Variants in WDR5 observed in about 807,000 individuals in gnomAD.
The protein encoded by WDR5 is WD repeat domain 5.
For missense variants in WDR5, 187 were observed against 416.9 expected (o/e 0.45, Z 4.80); for synonymous variants, 144 against 161.6 (o/e 0.89, Z 0.83).
At chr9:134,138,988 C>T (rs1831730434) in intron 1 of WDR5, among the ~76,000 whole-genome samples, 1 of 152,136 alleles carries the variant, frequency 6.6e-6, no homozygotes, top group Admixed American at 6.5e-5. Flanking sequence ...GAATCTATTC[C>T]CATGGTAGAG....
rs1341736210 is a variant in WDR5 at position 134,136,374 on chromosome 9, C to G, written c.-59+174C>G. ...CCGCCCGGGACCCCCGCCCCGGCCC[C>G]TCGGTGGACGGCCGCGCGCGCAGTT... On this transcript the variant is annotated intron_variant, in intron 1 of 13. Coordinates refer to ENST00000358625, the MANE Select transcript of WDR5 (RefSeq NM_017588.3). Among the ~76,000 whole-genome samples, 7 of 151,282 alleles carry G rather than the reference C, an allele frequency of 4.6e-5. No homozygotes were observed. In the South Asian group the frequency reaches 1.2e-3, roughly 27 times the overall value.
In WDR5 at chr9:134,140,771, C is replaced by T. The variant is rs118106463; in HGVS notation, c.150C>T (p.Ser50=). The T allele has an allele frequency of 1.3e-3, 2,179 of 1,614,152 alleles. 94 individuals carry two copies. The East Asian group carries it at 0.047, about 35-fold the overall frequency. ...CTGGCCACACCAAAGCAGTGTCCTC[C>T]GTGAAATTCAGCCCGAATGGAGAGT... ...TLAGHTKAVS[S]VKFSPNGEWL... Residue 50 remains serine, a synonymous_variant, in exon 3 of 14, where the codon TCC becomes TCT. Coordinates refer to ENST00000358625, the MANE Select transcript of WDR5 (RefSeq NM_017588.3).
rs752395156 is a variant in WDR5 at position 134,155,135 on chromosome 9, C to T, written c.708-205C>T. The stretch of plus-strand genomic sequence containing the variant: ...TCTCTCTTGGAACTACAAATACTTG[C>T]GGCTGTCACACTGTGCTCTCAGACG... On this transcript the variant is annotated intron_variant, in intron 10 of 13. Transcript: ENST00000358625. 8.5e-5 allele frequency among the ~76,000 whole-genome samples: 13 copies of T among 152,344 alleles called. No individual in the cohort carries two copies. The East Asian group carries it at 1.9e-3, about 23-fold the overall frequency.
rs1320489203 is a variant in WDR5 at position 134,148,281 on chromosome 9, T to C, written c.529-7T>C. 2 of 1,595,170 alleles carry C rather than the reference T, an allele frequency of 1.3e-6. No individual in the cohort carries two copies. The highest frequency in any genetic ancestry group is 3.4e-5 in the Admixed American group (2 of 59,052). The stretch of plus-strand genomic sequence containing the variant: ...TTTTGTCTCTTCTTCCTCTCCTTAA[T>C]TCCTAGGTTCATTTTAATCGTGATG... On this transcript the variant is annotated splice_polypyrimidine_tract_variant and splice_region_variant and intron_variant, in intron 7 of 13. Transcript: ENST00000358625.
At chr9:134,155,249 T>TG (rs1157160601) in intron 10 of WDR5, 91 bp from the exon 11 acceptor site, 6 of 1,421,472 alleles carry the variant, frequency 4.2e-6, no homozygotes, top group Non-Finnish European at 4.7e-6. Flanking sequence ...CTGGCGCTGA[T>TG]GGTGGCTGTG....
chr9:134,143,621 G>A lies in WDR5; in HGVS notation c.528+902G>A, dbSNP rs113216468. Among the ~76,000 whole-genome samples, 1,155 of 151,918 alleles carry A rather than the reference G, an allele frequency of 7.6e-3. 9 individuals are homozygous for A. Among genetic ancestry groups the A allele is most frequent in the African/African-American group, 0.027 (1,107 of 41,474 alleles). On this transcript the variant is annotated intron_variant, in intron 7 of 13. Transcript: ENST00000358625. ...GGCTCACTGCAAGCTCCGCCTCCCGGGTTCATGCCATTCTCCTGCCTCAGC... is the reference window on the plus strand; with the variant it reads ...GGCTCACTGCAAGCTCCGCCTCCCGAGTTCATGCCATTCTCCTGCCTCAGC...
At chr9:134,140,074 AT>A in intron 2 of WDR5, 116 bp downstream of exon 2, 1 of 1,206,350 alleles carries the variant, frequency 8.3e-7, no homozygotes. Context: ...GTCACTGCTA[AT>A]TTTTATTTAC....
intron 4 of WDR5, 73 bp from the exon 5 acceptor site, chr9:134,141,876 T>G: frequency 7.0e-7 from 1 of 1,435,944 alleles, no homozygotes; most frequent in Non-Finnish European, 9.8e-7. Flanking sequence ...ATGGGGATGT[T>G]TGGGATTTTG....
In WDR5 at chr9:134,159,400, C is replaced by G. The variant is rs892834441; in HGVS notation, c.*1407C>G. On this transcript the variant is annotated 3_prime_UTR_variant, in exon 14 of 14. Coordinates refer to ENST00000358625, the MANE Select transcript of WDR5 (RefSeq NM_017588.3). The surrounding 1 kb of genome is among the most constrained non-coding windows in gnomAD (Gnocchi z 4.3). ...GGAGCCCAGCCAGCTCTGCCTCTCT[C>G]AGGGCCTGGAGTCCTGGGGGAGCTC... 6.6e-6 allele frequency: 1 copy of G among 152,534 alleles called. No individual in the cohort carries two copies. The highest frequency in any genetic ancestry group is 2.4e-5 in the African/African-American group (1 of 41,446). The allele number at this position is 152,534 out of a possible 1,614,324, so 9.4% of individuals were successfully genotyped here.
Position 134,156,578 on chromosome 9 carries a change from C to T in WDR5, c.889C>T (p.Leu297=), listed in dbSNP as rs374034991. Residue 297 remains leucine (L), a synonymous_variant, in exon 13 of 14, where the codon CTA becomes TTA. Transcript: ENST00000358625. ...TCAGACGAAAGAGATTGTACAGAAACTACAAGGCCACACAGGTGAGGGCCT... is the reference window on the plus strand; with the variant it reads ...TCAGACGAAAGAGATTGTACAGAAATTACAAGGCCACACAGGTGAGGGCCT... ...NLQTKEIVQK[L]QGHTDVVIST... 8 of 1,614,092 alleles carry T rather than the reference C, an allele frequency of 5.0e-6. No individual in the cohort carries two copies. In the African/African-American group the frequency reaches 1.1e-4, roughly 22 times the overall value.
chr9:134,138,976 A>G (rs1244887705), intron 1 of WDR5, among the ~76,000 whole-genome samples: 1 of 152,226 alleles, frequency 6.6e-6, no homozygotes, highest in Non-Finnish European at 1.5e-5. Flanking sequence ...TATTGAAGTA[A>G]TGAATCTATT....
At position 134,139,872 on chromosome 9, in the gene WDR5, A is replaced by G; in HGVS notation, c.-6A>G. 6.2e-7 allele frequency: 1 copy of G among 1,613,508 alleles called. No homozygotes were observed. Among genetic ancestry groups the G allele is most frequent in the Non-Finnish European group, 8.5e-7 (1 of 1,179,982 alleles). ...CCTTGTCTCCTGTGCGGCCAGCGTC[A>G]GAGCCATGGCGACGGAGGAGAAGAA... On this transcript the variant is annotated 5_prime_UTR_variant, in exon 2 of 14. Transcript: ENST00000358625.
At position 134,159,625 on chromosome 9, in the gene WDR5, AG is replaced by A. The variant is rs1485333452; in HGVS notation, c.*1634del. 6.6e-6 allele frequency: 1 copy of A among 152,222 alleles called. No homozygotes were observed. Among genetic ancestry groups the A allele is most frequent in the Non-Finnish European group, 1.5e-5 (1 of 68,050 alleles). 9.4% of individuals were successfully genotyped at this position (152,222 alleles called of 1,614,324 possible). ...TTCCCCTGCCCCTCTGTTTCCGATGAGGTGTACGGATGAGTGACCTGCACTA... is the reference window on the plus strand; with the variant it reads ...TTCCCCTGCCCCTCTGTTTCCGATGAGTGTACGGATGAGTGACCTGCACTA... On this transcript the variant is annotated 3_prime_UTR_variant, in exon 14 of 14. Transcript: ENST00000358625. The surrounding 1 kb of genome is among the most constrained non-coding windows in gnomAD (Gnocchi z 4.3).
intron 12 of WDR5, among the ~76,000 whole-genome samples, chr9:134,156,158 CCTGT>C (rs1184096982): frequency 4.6e-5 from 7 of 152,272 alleles, no homozygotes; most frequent in South Asian, 2.1e-4. Flanking sequence ...TCTCGATGCT[CCTGT>C]CTTAGACCGG....
At chr9:134,144,371 CAAAT>C (rs1258004536) in intron 7 of WDR5, among the ~76,000 whole-genome samples, 1 of 152,150 alleles carries the variant, frequency 6.6e-6, no homozygotes, top group East Asian at 1.9e-4. Context: ...CTGGGGCTGA[CAAAT>C]GAACGCTTGT....
chr9:134,147,084 G>A (rs937983356), intron 7 of WDR5, among the ~76,000 whole-genome samples: 1 of 152,246 alleles, frequency 6.6e-6, no homozygotes, highest in Non-Finnish European at 1.5e-5. Flanking sequence ...AAAGTGTCTT[G>A]TAATAACTTT....
At chr9:134,147,863 GAA>G (rs111446940) in intron 7 of WDR5, among the ~76,000 whole-genome samples, 1 of 147,566 alleles carries the variant, frequency 6.8e-6, no homozygotes, top group Non-Finnish European at 1.5e-5. Flanking sequence ...CTCTTATGAA[GAA>G]AAAAAAAAGG....
intron 9 of WDR5, 103 bp downstream of exon 9, chr9:134,152,132 G>C: frequency 7.3e-7 from 1 of 1,379,294 alleles, no homozygotes; most frequent in Non-Finnish European, 9.9e-7. Flanking sequence ...CTCTGCCCTG[G>C]GTCCGCCCCT....
chr9:134,150,639 A>G (rs976427309), intron 8 of WDR5, among the ~76,000 whole-genome samples: 1 of 152,234 alleles, frequency 6.6e-6, no homozygotes, highest in Non-Finnish European at 1.5e-5. Context: ...GTTTTAAAAT[A>G]TTTAAAAGCC....
Sources: allele counts gnomAD v4.1 joint callset (sites outside exome capture counted in the v4.1 genomes callset), GRCh38; gene constraint gnomAD v4.1.1; non-coding constraint Gnocchi (gnomAD v3.1); transcripts MANE v1.5; gene names NCBI Gene and HGNC (gene_info 2026-07-23, HGNC 2026-07-21).